The following RSU1 variants were observed in gnomAD, a reference collection of about 807,000 sequenced individuals.
The protein encoded by RSU1 is rsu-1.
RSU1 carries 26 observed loss-of-function variants against 31.1 expected under a neutral mutation model. The observed-to-expected ratio is 0.84, with a 90% CI of 0.61 to 1.16. The LOEUF (loss-of-function observed/expected upper bound fraction) is 1.16, where lower values mean the gene tolerates loss of function less well. Among genes scored for constraint, RSU1 ranks in the 50% most tolerant of loss-of-function variants. The pLI, the probability that RSU1 is intolerant of heterozygous loss-of-function variation, is 0.00. For missense variants in RSU1, 320 were observed against 339.1 expected (o/e 0.94, Z 0.44); for synonymous variants, 164 against 136.3 (o/e 1.20, Z -1.41).
At chr10:16,654,747 T>C (rs1307054629) in intron 8 of RSU1, among the ~76,000 whole-genome samples, 2 of 151,216 alleles carry the variant, frequency 1.3e-5, no homozygotes, top group Non-Finnish European at 2.9e-5. Flanking sequence ...ACAGCCCAAG[T>C]GCACCTTTTC....
intron 8 of RSU1, among the ~76,000 whole-genome samples, chr10:16,633,369 C>G (rs1052777187): frequency 2.0e-5 from 3 of 152,010 alleles, no homozygotes; most frequent in African/African-American, 7.2e-5. Flanking sequence ...ATGATGGCCC[C>G]TGGGTAGGAA....
intron 7 of RSU1, among the ~76,000 whole-genome samples, chr10:16,706,513 G>C (rs1341608472): frequency 3.9e-5 from 6 of 152,064 alleles, no homozygotes. Flanking sequence ...TCCTTTATCA[G>C]ATATACAATT....
intron 7 of RSU1, among the ~76,000 whole-genome samples, chr10:16,715,919 G>C (rs1836130394): frequency 6.6e-6 from 1 of 152,172 alleles, no homozygotes; most frequent in South Asian, 2.1e-4. Flanking sequence ...TAATAGGTCA[G>C]AACAAGTATT....
intron 8 of RSU1, among the ~76,000 whole-genome samples, chr10:16,670,313 C>T (rs1835083002): frequency 6.6e-6 from 1 of 152,146 alleles, no homozygotes; most frequent in African/African-American, 2.4e-5. Flanking sequence ...ATGCTAAAGA[C>T]CCCTTTTTAT....
intron 2 of RSU1, among the ~76,000 whole-genome samples, chr10:16,797,516 C>T (rs1180971550): frequency 1.3e-5 from 2 of 151,930 alleles, no homozygotes. Flanking sequence ...GGAGCAAATC[C>T]CATAACGTTA....
At chr10:16,705,884 C>G (rs1466504818) in intron 7 of RSU1, among the ~76,000 whole-genome samples, 1 of 152,138 alleles carries the variant, frequency 6.6e-6, no homozygotes, top group African/African-American at 2.4e-5. Flanking sequence ...TCAAGCAATC[C>G]TCCTACCTCA....
chr10:16,796,501 G>T (rs1215460053), intron 2 of RSU1, among the ~76,000 whole-genome samples: 3 of 151,902 alleles, frequency 2.0e-5, no homozygotes, highest in Non-Finnish European at 4.4e-5. Context: ...CACCCCAAAG[G>T]CCCATTAGAC....
At chr10:16,691,218 C>G (rs1263416278) in intron 8 of RSU1, among the ~76,000 whole-genome samples, 1 of 152,076 alleles carries the variant, frequency 6.6e-6, no homozygotes, top group Non-Finnish European at 1.5e-5. Flanking sequence ...TAAAAATCCC[C>G]TAATTATGAA....
At chr10:16,614,582 C>A (rs1833944507) in intron 8 of RSU1, among the ~76,000 whole-genome samples, 1 of 152,160 alleles carries the variant, frequency 6.6e-6, no homozygotes. Context: ...GATTATTACA[C>A]ATTGCATGCC....
At position 16,782,036 on chromosome 10, in the gene RSU1, G is replaced by T. The variant is rs748643955; in HGVS notation, c.158C>A (p.Thr53Lys). ...AACAAATGAGAAACATCACTTACTT[G>T]TTAGCTTGTTATGGCTGAGGACCAG... The part of the protein sequence containing the change: ...TQLVLSHNKL[T>K]MVPPNIAELK... The change falls in exon 3 of 9, where the codon ACA becomes AAA. Residue 53 changes from threonine (T) to lysine (K), a missense_variant and splice_region_variant. Coordinates refer to ENST00000345264, the MANE Select transcript of RSU1 (RefSeq NM_012425.4). 4 of 1,612,132 alleles carry T rather than the reference G, an allele frequency of 2.5e-6. No homozygotes were observed. The highest frequency in any genetic ancestry group is 3.4e-6 in the Non-Finnish European group (4 of 1,179,138).
rs180854877 is a variant in RSU1, at chr10:16,765,175, G to A, written c.161-665C>T. Among the ~76,000 whole-genome samples, 414 of 152,038 alleles carry A rather than the reference G, an allele frequency of 2.7e-3. 1 individual carries two copies. Among genetic ancestry groups the A allele is most frequent in the Non-Finnish European group, 3.9e-3 (265 of 68,010 alleles). On this transcript the variant is annotated intron_variant, in intron 3 of 8. Coordinates refer to ENST00000345264, the MANE Select transcript of RSU1 (RefSeq NM_012425.4). ...AGATGGAGATCTCCAAATCCCTTCC[G>A]GGATGATGTACATTGAAGCTGCTTA...
chr10:16,637,093 G>A (rs1006973612), intron 8 of RSU1, among the ~76,000 whole-genome samples: 10 of 152,204 alleles, frequency 6.6e-5, no homozygotes, highest in African/African-American at 2.4e-4. Context: ...AAGCATTACA[G>A]ATAAACCACA....
chr10:16,704,212 A>G (rs796587325), intron 7 of RSU1, among the ~76,000 whole-genome samples: 13 of 152,330 alleles, frequency 8.5e-5, no homozygotes, highest in African/African-American at 3.1e-4. Flanking sequence ...ATAAAAACCT[A>G]CCAACTGGAG....
Position 16,788,548 on chromosome 10 carries a change from G to A in RSU1, c.110-6464C>T, listed in dbSNP as rs985178892. 1.2e-4 allele frequency among the ~76,000 whole-genome samples: 19 copies of A among 152,296 alleles called. 1 individual carries two copies. The highest frequency in any genetic ancestry group is 2.5e-4 in the Non-Finnish European group (17 of 68,032). ...AGCCCTCACCGGACACAATGCATCC[G>A]TCAGTACCTTGATCTTGCATTTTCC... On this transcript the variant is annotated intron_variant, in intron 2 of 8. Transcript: ENST00000345264.
At chr10:16,642,831 C>T (rs1448417504) in intron 8 of RSU1, among the ~76,000 whole-genome samples, 2 of 152,118 alleles carry the variant, frequency 1.3e-5, no homozygotes, top group South Asian at 2.1e-4. Context: ...GTTATGCATT[C>T]CTTTGCCTTC....
chr10:16,808,059 C>G (rs1483334582), intron 2 of RSU1, among the ~76,000 whole-genome samples: 1 of 151,654 alleles, frequency 6.6e-6, no homozygotes, highest in African/African-American at 2.4e-5. Context: ...AAAATGAATG[C>G]CTTACGGTAA....
chr10:16,712,683 T>G (rs914518287), intron 7 of RSU1, among the ~76,000 whole-genome samples: 5 of 152,148 alleles, frequency 3.3e-5, no homozygotes, highest in Admixed American at 3.3e-4. Flanking sequence ...TAAGTGTGGT[T>G]GTTGTTGTTT....
intron 7 of RSU1, among the ~76,000 whole-genome samples, chr10:16,749,794 A>G (rs1167869468): frequency 1.3e-5 from 2 of 152,112 alleles, no homozygotes; most frequent in African/African-American, 2.4e-5. Flanking sequence ...GCCCACGCCA[A>G]CTCACCATCC....
intron 7 of RSU1, among the ~76,000 whole-genome samples, chr10:16,719,502 G>T (rs1357486116): frequency 6.6e-6 from 1 of 152,044 alleles, no homozygotes; most frequent in Non-Finnish European, 1.5e-5. Flanking sequence ...TAACTTATTT[G>T]CTGTCACCTC....
Sources: gnomAD v4.1 joint callset for allele counts (sites outside exome capture counted in the v4.1 genomes callset) on GRCh38, gnomAD v4.1.1 for gene constraint, MANE v1.5 for transcripts, NCBI Gene and HGNC (gene_info 2026-07-23, HGNC 2026-07-21) for gene names.